KIF2A: variants seen among roughly 807,000 people sequenced by gnomAD.
KIF2A encodes the protein kinesin family member 2A, also known as kinesin-like protein KIF2A.
A neutral mutation model predicts 100.2 loss-of-function variants in KIF2A; 22 were observed. The observed-to-expected ratio is 0.22, with a 90% CI of 0.16 to 0.31. KIF2A has a LOEUF of 0.31. Ranked by LOEUF, KIF2A falls within the 10% of genes least tolerant of loss-of-function variation. The probability of loss-of-function intolerance (pLI) is 1.00; values close to 1 mark genes in which losing one functional copy is unlikely to be tolerated. For missense variants in KIF2A, 495 were observed against 898.7 expected, an observed-to-expected ratio of 0.55 and a Z score of 5.74; for synonymous variants, 268 against 285.9, an observed-to-expected ratio of 0.94 and a Z score of 0.63.
At chr5:62,340,689 T>G (rs1339502878) in intron 1 of KIF2A, among the ~76,000 whole-genome samples, 1 of 152,216 alleles carries the variant, frequency 6.6e-6, no homozygotes, top group Non-Finnish European at 1.5e-5. Context: ...GAAAAATTTT[T>G]CATGTATCTT....
intron 1 of KIF2A, among the ~76,000 whole-genome samples, chr5:62,334,295 A>G (rs1746815325): frequency 6.6e-6 from 1 of 151,850 alleles, no homozygotes; most frequent in South Asian, 2.1e-4. Flanking sequence ...CCAGGTCATG[A>G]TGCCCCAGGA....
In KIF2A at chr5:62,320,260, A is replaced by C. The variant is rs191187864; in HGVS notation, c.64+13724A>C. Among the ~76,000 whole-genome samples, 3 of 152,322 alleles carry C rather than the reference A, an allele frequency of 2.0e-5. No homozygotes were observed. The East Asian group carries it at 5.8e-4, about 29-fold the overall frequency. On this transcript the variant is annotated intron_variant, in intron 1 of 20. Coordinates refer to ENST00000407818, the MANE Select transcript of KIF2A (RefSeq NM_001098511.3). ...AACCAGTCTTTTACTGATGACATTT[A>C]CATTTGTGCCTAATCTGTAGCTGCT...
At chr5:62,318,462 C>G (rs1170672013) in intron 1 of KIF2A, among the ~76,000 whole-genome samples, 1 of 152,162 alleles carries the variant, frequency 6.6e-6, no homozygotes, top group East Asian at 1.9e-4. Flanking sequence ...TAAATTATAG[C>G]TGATACTGAG....
intron 9 of KIF2A, 108 bp downstream of exon 9, chr5:62,358,407 GT>G (rs1205607610): frequency 1.1e-5 from 7 of 660,568 alleles, no homozygotes; most frequent in Non-Finnish European, 1.8e-5. Context: ...GCAATATGCT[GT>G]TTTATTCTGA....
chr5:62,355,312 T>C, intron 7 of KIF2A, 58 bp downstream of exon 7: 1 of 860,638 alleles, frequency 1.2e-6, no homozygotes, highest in Non-Finnish European at 1.9e-6. Context: ...TAAAAACGTG[T>C]TTGACACTTG....
At chr5:62,364,027 T>G in intron 14 of KIF2A, 128 bp downstream of exon 14, 3 of 706,888 alleles carry the variant, frequency 4.2e-6, no homozygotes, top group Non-Finnish European at 7.1e-6. Flanking sequence ...ATGCTTGTAA[T>G]GTATAGTGTG....
chr5:62,320,677 G>A (rs1408095025), intron 1 of KIF2A, among the ~76,000 whole-genome samples: 4 of 151,956 alleles, frequency 2.6e-5, no homozygotes, highest in African/African-American at 9.7e-5. Context: ...ATCTGTCATA[G>A]CCAATATAGA....
chr5:62,349,432 G>A (rs1175993609), intron 3 of KIF2A, among the ~76,000 whole-genome samples: 1 of 151,860 alleles, frequency 6.6e-6, no homozygotes, highest in Non-Finnish European at 1.5e-5. Context: ...CCTTTTAATA[G>A]TACTCATCTG....
intron 3 of KIF2A, among the ~76,000 whole-genome samples, chr5:62,349,275 T>A (rs1466779310): frequency 6.6e-6 from 1 of 151,260 alleles, no homozygotes; most frequent in Non-Finnish European, 1.5e-5. Context: ...AAGGATTTAT[T>A]TTAATTATAA....
chr5:62,369,180 T>C (rs1166435848), intron 16 of KIF2A, among the ~76,000 whole-genome samples: 1 of 152,214 alleles, frequency 6.6e-6, no homozygotes, highest in Non-Finnish European at 1.5e-5. Flanking sequence ...TGTAACTCAC[T>C]TGCAACATGA....
intron 1 of KIF2A, among the ~76,000 whole-genome samples, chr5:62,310,562 A>G (rs1341516121): frequency 1.3e-5 from 2 of 151,416 alleles, no homozygotes; most frequent in African/African-American, 2.5e-5. Context: ...CTGTACTGCT[A>G]CCTCCCTACT....
chr5:62,358,879 C>T (rs1005675653), intron 9 of KIF2A, among the ~76,000 whole-genome samples: 12 of 152,208 alleles, frequency 7.9e-5, no homozygotes, highest in African/African-American at 2.9e-4. Flanking sequence ...CCATGTTGCC[C>T]AGGCTAACCT....
At chr5:62,350,401 A>G in intron 4 of KIF2A, among the ~76,000 whole-genome samples, 1 of 151,616 alleles carries the variant, frequency 6.6e-6, no homozygotes, top group East Asian at 1.9e-4. Flanking sequence ...CCTCAGCCTC[A>G]CATGTAGCTG....
At chr5:62,383,215 C>T (rs1470172802) in intron 20 of KIF2A, among the ~76,000 whole-genome samples, 1 of 147,852 alleles carries the variant, frequency 6.8e-6, no homozygotes, top group Admixed American at 6.9e-5. Flanking sequence ...GCATGAGCCA[C>T]CATGCCTGGC....
At position 62,381,164 on chromosome 5, in the gene KIF2A, C is replaced by A. The variant is rs1335456929; in HGVS notation, c.2060C>A (p.Thr687Asn). Reference sequence around the variant, plus strand: ...GATGAAAAGGCCCTCTTAGAGATGACTGAAGAAGTAGATTATGATGTCGAT... The same window carrying A: ...GATGAAAAGGCCCTCTTAGAGATGAATGAAGAAGTAGATTATGATGTCGAT... ...LEDEKALLEM[T>N]EEVDYDVDSY... The change falls in exon 20 of 21, where the codon ACT becomes AAT. Residue 687 changes from threonine to asparagine, a missense_variant. Physicochemically the swap from Thr to Asn is moderately conservative, Grantham distance 65. Around this residue, in one of 10 missense-constraint regions of KIF2A, gnomAD observed 58 missense variants for 94.8 expected, o/e 0.61. Coordinates refer to ENST00000407818, the MANE Select transcript of KIF2A (RefSeq NM_001098511.3). The A allele has an allele frequency of 6.2e-7, 1 of 1,609,484 alleles. No individual in the cohort carries two copies. Among genetic ancestry groups the A allele is most frequent in the Non-Finnish European group, 8.5e-7 (1 of 1,176,084 alleles).
chr5:62,361,804 T>C (rs1355482327), intron 11 of KIF2A, among the ~76,000 whole-genome samples: 1 of 151,780 alleles, frequency 6.6e-6, no homozygotes, highest in Non-Finnish European at 1.5e-5. Context: ...GGTGGATCAC[T>C]TGAGGTCAGG....
chr5:62,307,391 C>T (rs905524030), intron 1 of KIF2A, among the ~76,000 whole-genome samples: 1 of 151,784 alleles, frequency 6.6e-6, no homozygotes, highest in Admixed American at 6.6e-5. Flanking sequence ...TTTTAAGAGC[C>T]TTAGGCTTAT....
chr5:62,354,645 G>C (rs1036878460), intron 6 of KIF2A, among the ~76,000 whole-genome samples: 9 of 151,956 alleles, frequency 5.9e-5, no homozygotes, highest in African/African-American at 2.2e-4. Context: ...GGGCAGTTTT[G>C]TCATTACTTA....
chr5:62,372,644 G>C (rs911358792), intron 17 of KIF2A, 93 bp downstream of exon 17: 6 of 717,976 alleles, frequency 8.4e-6, no homozygotes, highest in Non-Finnish European at 1.3e-5. Flanking sequence ...TTTGTCCTGA[G>C]CCATTTTAGT....
Sources: gnomAD v4.1 joint callset for allele counts (sites outside exome capture counted in the v4.1 genomes callset) on GRCh38, gnomAD v4.1.1 for gene constraint, gnomAD v4.1.1 regional missense constraint, MANE v1.5 for transcripts, NCBI Gene and HGNC (gene_info 2026-07-23, HGNC 2026-07-21) for gene names.